The following CPLX1 variants were observed in gnomAD, a reference collection of about 807,000 sequenced individuals.
CPLX1 encodes complexin 1.
CPLX1 carries 6 observed loss-of-function variants against 15.6 expected under a neutral mutation model. The ratio of observed to expected loss-of-function variants is 0.39; its 90% CI spans 0.21 to 0.76. The LOEUF (loss-of-function observed/expected upper bound fraction) is 0.76. Among genes scored for constraint, CPLX1 ranks in the 30% least tolerant of loss-of-function variants. CPLX1 has a pLI of 0.43. For synonymous variants in CPLX1, 91 were observed against 75.2 expected, an observed-to-expected ratio of 1.21 and a Z score of -1.08; for missense variants, 242 against 188.6, an observed-to-expected ratio of 1.28 and a Z score of -1.66.
At chr4:812,065 G>C (rs1746674106) in intron 2 of CPLX1, among the ~76,000 whole-genome samples, 1 of 151,884 alleles carries the variant, frequency 6.6e-6, no homozygotes, top group South Asian at 2.1e-4. Flanking sequence ...TACCTGACTA[G>C]AGTCTTTATA....
chr4:796,550 T>C (rs974156708), intron 2 of CPLX1, among the ~76,000 whole-genome samples: 1 of 152,228 alleles, frequency 6.6e-6, no homozygotes, highest in African/African-American at 2.4e-5. Context: ...CCTAAAGTGC[T>C]GGGATTACAG....
chr4:810,523 G>A (rs1323958036), intron 2 of CPLX1, among the ~76,000 whole-genome samples: 2 of 152,216 alleles, frequency 1.3e-5, no homozygotes, highest in African/African-American at 2.4e-5. Flanking sequence ...ACATGCGTGA[G>A]TGGCTCTGTT....
rs186963377 is a variant in CPLX1 at position 793,728 on chromosome 4, C to T, written c.32-1120G>A. Among the ~76,000 whole-genome samples the T allele has an allele frequency of 4.1e-4, 63 of 152,340 alleles. 1 individual carries two copies. In the East Asian group the frequency reaches 7.9e-3, roughly 19 times the overall value. ...GCCCCTGCAAATGCCGCTCTCCCCC[C>T]GCGGCCACCCGGCCCCCTCTCGAGG... On this transcript the variant is annotated intron_variant, in intron 2 of 3. Coordinates refer to ENST00000304062, the MANE Select transcript of CPLX1 (RefSeq NM_006651.4).
At chr4:799,292 G>A (rs1220595245) in intron 2 of CPLX1, among the ~76,000 whole-genome samples, 1 of 152,226 alleles carries the variant, frequency 6.6e-6, no homozygotes, top group African/African-American at 2.4e-5. Context: ...TTCATCGGTC[G>A]CATTTCTACG....
chr4:820,784 C>T (rs1006147991), intron 2 of CPLX1, among the ~76,000 whole-genome samples: 5 of 151,242 alleles, frequency 3.3e-5, no homozygotes, highest in African/African-American at 9.7e-5. Context: ...ACCAGCCTCA[C>T]GTGAACCCCC....
At chr4:790,379 G>A (rs528763115) in intron 3 of CPLX1, among the ~76,000 whole-genome samples, 6 of 152,264 alleles carry the variant, frequency 3.9e-5, no homozygotes, top group South Asian at 2.1e-4. Flanking sequence ...AGGCCTGACC[G>A]GCGAGCCCTG....
rs577361877 is a variant in CPLX1 at position 799,141 on chromosome 4, A to G, written c.32-6533T>C. On this transcript the variant is annotated intron_variant, in intron 2 of 3. Transcript: ENST00000304062. ...TTTCACCTGTGCAGGGCAGGACTCA[A>G]ATCTTCCCCTGACTTCCTGTTGGTG... Among the ~76,000 whole-genome samples, 70 of 152,288 alleles carry G rather than the reference A, an allele frequency of 4.6e-4. 1 individual carries two copies. Among genetic ancestry groups the G allele is most frequent in the East Asian group, 1.5e-3 (8 of 5,178 alleles).
chr4:800,629 G>A (rs966226637), intron 2 of CPLX1, among the ~76,000 whole-genome samples: 3 of 142,540 alleles, frequency 2.1e-5, no homozygotes, highest in Admixed American at 7.2e-5. Flanking sequence ...ACGGGCAACC[G>A]TAATCCCAGC....
chr4:825,653 C>G (rs907771699), intron 1 of CPLX1, among the ~76,000 whole-genome samples: 2 of 151,624 alleles, frequency 1.3e-5, no homozygotes, highest in East Asian at 3.9e-4. Flanking sequence ...CAGGAAGAAG[C>G]GAGGAGGAGG....
At chr4:799,982 G>C (rs997648571) in intron 2 of CPLX1, among the ~76,000 whole-genome samples, 3 of 152,182 alleles carry the variant, frequency 2.0e-5, no homozygotes, top group African/African-American at 7.2e-5. Flanking sequence ...ACTCGAAGCC[G>C]GTCGTTCAGA....
At position 816,747 on chromosome 4, in the gene CPLX1, G is replaced by A. The variant is rs998001660; in HGVS notation, c.31+7745C>T. On this transcript the variant is annotated intron_variant, in intron 2 of 3. Transcript: ENST00000304062. ...TAAGGTAGAAGGCTCACTTGAGCCC[G>A]GGATGTTGAGGCTGCAGTGAGCTGT... Among the ~76,000 whole-genome samples the A allele has an allele frequency of 2.6e-5, 4 of 152,252 alleles. No homozygotes were observed. The South Asian group carries it at 6.2e-4, about 24-fold the overall frequency.
chr4:821,933 C>T (rs896627144), intron 2 of CPLX1, among the ~76,000 whole-genome samples: 1 of 152,180 alleles, frequency 6.6e-6, no homozygotes, highest in Admixed American at 6.5e-5. Context: ...AGGCCTGTCC[C>T]CCTGCCCAGA....
At chr4:810,643 T>C (rs888205294) in intron 2 of CPLX1, among the ~76,000 whole-genome samples, 6 of 152,170 alleles carry the variant, frequency 3.9e-5, no homozygotes, top group African/African-American at 1.4e-4. Context: ...TTAATTCCCG[T>C]ATCTTCTTTG....
At chr4:817,684 C>T (rs1299346319) in intron 2 of CPLX1, among the ~76,000 whole-genome samples, 1 of 152,084 alleles carries the variant, frequency 6.6e-6, no homozygotes, top group Non-Finnish European at 1.5e-5. Flanking sequence ...TCAGGAATCC[C>T]TACCCACTGA....
At chr4:802,335 A>C (rs1746475015) in intron 2 of CPLX1, among the ~76,000 whole-genome samples, 1 of 152,264 alleles carries the variant, frequency 6.6e-6, no homozygotes, top group Middle Eastern at 3.2e-3. Context: ...TTTGGGTGCA[A>C]ACTAATCTAC....
intron 2 of CPLX1, among the ~76,000 whole-genome samples, chr4:805,780 A>ATTAAGT (rs1560242958): frequency 1.3e-5 from 2 of 152,238 alleles, no homozygotes; most frequent in African/African-American, 4.8e-5. Flanking sequence ...TTAAAAAGGA[A>ATTAAGT]TTAAGTTCCA....
At chr4:816,365 CCCA>C (rs1252180538) in intron 2 of CPLX1, among the ~76,000 whole-genome samples, 5 of 151,672 alleles carry the variant, frequency 3.3e-5, no homozygotes, top group African/African-American at 4.8e-5. Flanking sequence ...ATTACAGGCG[CCCA>C]CCACCACACC....
At position 803,422 on chromosome 4, in the gene CPLX1, G is replaced by C. The variant is rs561840971; in HGVS notation, c.32-10814C>G. Among the ~76,000 whole-genome samples, 4 of 151,890 alleles carry C rather than the reference G, an allele frequency of 2.6e-5. No homozygotes were observed. The South Asian group carries it at 8.3e-4, about 32-fold the overall frequency. On this transcript the variant is annotated intron_variant, in intron 2 of 3. Coordinates refer to ENST00000304062, the MANE Select transcript of CPLX1 (RefSeq NM_006651.4). ...CCTTTTTTTTTTGAGACGGAATCTC[G>C]CTCTGTCGCCCAGGCTGGTGTACAG...
intron 2 of CPLX1, among the ~76,000 whole-genome samples, chr4:819,561 C>T (rs571860169): frequency 2.0e-5 from 3 of 152,350 alleles, no homozygotes; most frequent in Admixed American, 6.5e-5. Context: ...AGGAGTAAGG[C>T]TGGGAAGGAC....
Sources: gnomAD v4.1 joint callset for allele counts (sites outside exome capture counted in the v4.1 genomes callset) on GRCh38, gnomAD v4.1.1 for gene constraint, MANE v1.5 for transcripts, NCBI Gene and HGNC (gene_info 2026-07-23, HGNC 2026-07-21) for gene names.